EHBP1: variants seen among roughly 807,000 people sequenced by gnomAD.
The protein encoded by EHBP1 is EH domain-binding protein 1.
A neutral mutation model predicts 144.0 loss-of-function variants in EHBP1; 55 were observed. That is an observed-to-expected ratio of 0.38 (90% CI 0.31 to 0.48). EHBP1 has a LOEUF of 0.48. EHBP1 is among the 20% of genes least tolerant of loss of function. The pLI, the probability that EHBP1 is intolerant of heterozygous loss-of-function variation, is 0.98. For synonymous variants in EHBP1, 469 were observed against 472.7 expected (o/e 0.99, Z 0.10); for missense variants, 1,200 against 1,364.2 (o/e 0.88, Z 1.90).
rs181772791 is a variant in EHBP1 at position 62,907,482 on chromosome 2, A to G, written c.1185+32950A>G. ...CAGCAGTCACAGTTTTGGAGACTGG[A>G]AAGTCCAAGTCACCAGCAGATTTGG... is the stretch of plus-strand genomic sequence containing the variant. On this transcript the variant is annotated intron_variant, in intron 10 of 22. Transcript: ENST00000431489. 2.0e-5 allele frequency among the ~76,000 whole-genome samples: 3 copies of G among 152,280 alleles called. No individual in the cohort carries two copies. In the East Asian group the frequency reaches 5.8e-4, roughly 29 times the overall value.
chr2:62,847,829 T>A (rs745852385), intron 7 of EHBP1, among the ~76,000 whole-genome samples: 251 of 152,288 alleles, frequency 1.6e-3, no homozygotes, highest in Non-Finnish European at 2.9e-3. Context: ...CTTATTTTTT[T>A]AAAATGGACA....
chr2:62,743,188 T>G (rs1456753702), intron 2 of EHBP1, among the ~76,000 whole-genome samples: 1 of 152,158 alleles, frequency 6.6e-6, no homozygotes, highest in East Asian at 1.9e-4. Flanking sequence ...ATATTTTTAA[T>G]GCCTGTGTGA....
At chr2:63,012,695 T>C (rs1029011233) in intron 19 of EHBP1, among the ~76,000 whole-genome samples, 2 of 152,180 alleles carry the variant, frequency 1.3e-5, no homozygotes, top group African/African-American at 4.8e-5. Context: ...GGAAAATAAC[T>C]TAAAACAGCT....
intron 8 of EHBP1, among the ~76,000 whole-genome samples, chr2:62,859,768 TAC>T (rs1443624895): frequency 3.3e-5 from 5 of 152,166 alleles, no homozygotes; most frequent in Non-Finnish European, 5.9e-5. Flanking sequence ...TATATATATA[TAC>T]AGCATACTTG....
intron 16 of EHBP1, 73 bp downstream of exon 16, chr2:62,990,913 CA>C: frequency 3.3e-6 from 5 of 1,502,404 alleles, no homozygotes; most frequent in Non-Finnish European, 4.5e-6. Context: ...TTTGTAATTC[CA>C]AAAACAATTT....
chr2:62,881,041 C>A (rs1339806452), intron 10 of EHBP1, among the ~76,000 whole-genome samples: 1 of 151,780 alleles, frequency 6.6e-6, no homozygotes, highest in African/African-American at 2.4e-5. Flanking sequence ...TATATATACA[C>A]CATGGAATAC....
chr2:62,737,611 T>C (rs1196101441), intron 2 of EHBP1, among the ~76,000 whole-genome samples: 1 of 152,178 alleles, frequency 6.6e-6, no homozygotes, highest in Non-Finnish European at 1.5e-5. Context: ...TTGTTCAGCT[T>C]TTTACTTGTT....
intron 7 of EHBP1, among the ~76,000 whole-genome samples, chr2:62,845,945 G>A (rs910969235): frequency 6.6e-6 from 1 of 152,114 alleles, no homozygotes; most frequent in African/African-American, 2.4e-5. Flanking sequence ...GATCCCTTTA[G>A]CCAATAAGTT....
intron 5 of EHBP1, among the ~76,000 whole-genome samples, chr2:62,819,969 G>T (rs1361949708): frequency 6.6e-6 from 1 of 151,872 alleles, no homozygotes; most frequent in African/African-American, 2.4e-5. Flanking sequence ...CCAGCACTTT[G>T]GGAGGCCGAA....
At position 62,990,832 on chromosome 2, in the gene EHBP1, G is replaced by C. The variant is rs539749573; in HGVS notation, c.2725G>C (p.Asp909His). The C allele has an allele frequency of 3.1e-6, 5 of 1,612,320 alleles. No homozygotes were observed. Among genetic ancestry groups the C allele is most frequent in the Non-Finnish European group, 4.2e-6 (5 of 1,179,180 alleles). ...QKAVTESSEQ[D>H]MKSGTEDLRT... Reference sequence around the variant, plus strand: ...AGCTGTAACTGAGAGCTCAGAGCAGGACATGAAAGTAAGTCTTACTTGTTT... The same window carrying C: ...AGCTGTAACTGAGAGCTCAGAGCAGCACATGAAAGTAAGTCTTACTTGTTT... Residue 909 changes from aspartate to histidine, a missense_variant, in exon 16 of 23, where the codon GAC (aspartate) becomes CAC (histidine). Asp to His is a moderately conservative substitution (Grantham distance 81). Coordinates refer to ENST00000431489, the MANE Select transcript of EHBP1 (RefSeq NM_001142616.3).
chr2:62,918,766 G>A (rs1473717627), intron 10 of EHBP1, among the ~76,000 whole-genome samples: 1 of 152,128 alleles, frequency 6.6e-6, no homozygotes, highest in African/African-American at 2.4e-5. Flanking sequence ...TACGATAGTG[G>A]TTCTCAAACT....
intron 5 of EHBP1, among the ~76,000 whole-genome samples, chr2:62,797,198 T>C (rs2043599132): frequency 6.6e-6 from 1 of 152,346 alleles, no homozygotes; most frequent in South Asian, 2.1e-4. Context: ...TTCTGACTCT[T>C]AGCTATGCAT....
At chr2:62,912,589 A>G (rs1353136044) in intron 10 of EHBP1, among the ~76,000 whole-genome samples, 1 of 152,112 alleles carries the variant, frequency 6.6e-6, no homozygotes, top group Non-Finnish European at 1.5e-5. Flanking sequence ...AAATAAAACC[A>G]ATACTTGTAT....
At chr2:62,679,272 T>C (rs2033422888) in intron 1 of EHBP1, among the ~76,000 whole-genome samples, 1 of 152,224 alleles carries the variant, frequency 6.6e-6, no homozygotes, top group South Asian at 2.1e-4. Context: ...ATCTCTTGGA[T>C]AGTTCTGCTA....
chr2:63,011,111 C>T (rs2060246498), intron 19 of EHBP1, among the ~76,000 whole-genome samples: 1 of 129,982 alleles, frequency 7.7e-6, no homozygotes, highest in Non-Finnish European at 1.6e-5. Context: ...GGTTTTGCAT[C>T]AGTTGTTTTC....
chr2:62,788,752 C>G (rs1044312740), intron 5 of EHBP1, among the ~76,000 whole-genome samples: 21 of 152,068 alleles, frequency 1.4e-4, no homozygotes, highest in African/African-American at 5.1e-4. Context: ...TAACAGAAAC[C>G]TATATTTAAT....
At chr2:62,814,939 A>G (rs970700278) in intron 5 of EHBP1, among the ~76,000 whole-genome samples, 20 of 152,240 alleles carry the variant, frequency 1.3e-4, no homozygotes, top group African/African-American at 4.3e-4. Context: ...TGAATAATCC[A>G]TATTGGAAAA....
chr2:62,728,237 T>C (rs2037033344), intron 2 of EHBP1, among the ~76,000 whole-genome samples: 1 of 152,206 alleles, frequency 6.6e-6, no homozygotes, highest in South Asian at 2.1e-4. Context: ...AGGAGCTGTG[T>C]CCCATTCCTA....
chr2:62,736,840 G>T (rs1291789034), intron 2 of EHBP1, among the ~76,000 whole-genome samples: 2 of 152,116 alleles, frequency 1.3e-5, no homozygotes, highest in Non-Finnish European at 2.9e-5. Flanking sequence ...TCTGAATGTG[G>T]TTTTGATGCT....
Sources: allele counts gnomAD v4.1 joint callset (sites outside exome capture counted in the v4.1 genomes callset), GRCh38; gene constraint gnomAD v4.1.1; transcripts MANE v1.5; gene names NCBI Gene and HGNC (gene_info 2026-07-23, HGNC 2026-07-21).